GANC: variants seen among roughly 807,000 people sequenced by gnomAD.
GANC encodes neutral alpha-glucosidase C.
Under a neutral mutation model 124.2 loss-of-function variants are expected in GANC, and 117 were observed. The observed-to-expected ratio is 0.94, with a 90% CI of 0.81 to 1.10. GANC has a LOEUF of 1.10. GANC is among the 50% of genes least tolerant of loss of function. The pLI is 0.00. For missense variants in GANC, 1,140 were observed against 1,095.0 expected (o/e 1.04, Z -0.58); for synonymous variants, 377 against 376.8 (o/e 1.00, Z -0.01).
chr15:42,300,151 A>G (rs1404480338), intron 6 of GANC, among the ~76,000 whole-genome samples: 1 of 152,238 alleles, frequency 6.6e-6, no homozygotes, highest in Non-Finnish European at 1.5e-5. Context: ...GCACAGCAAC[A>G]GAAACGATCA....
At chr15:42,326,221 A>G (rs1270163330) in intron 11 of GANC, 77 bp from the exon 12 acceptor site, 6 of 1,051,624 alleles carry the variant, frequency 5.7e-6, no homozygotes, top group Non-Finnish European at 8.6e-6. Context: ...GAACCCCCAA[A>G]CTATGGCGAA....
intron 3 of GANC, among the ~76,000 whole-genome samples, chr15:42,280,670 A>T (rs932095793): frequency 6.6e-6 from 1 of 152,128 alleles, no homozygotes; most frequent in Non-Finnish European, 1.5e-5. Flanking sequence ...GTAGTTGTCC[A>T]TAGTCAGAGC....
In GANC at chr15:42,352,462, G is replaced by T. The variant is rs952478240; in HGVS notation, c.*323G>T. The stretch of plus-strand genomic sequence containing the variant: ...GCTGCGTGGGTCTGTTTTAACGTGG[G>T]CCAAGCCTACCTGGGCAGCCCATTT... On this transcript the variant is annotated 3_prime_UTR_variant, in exon 24 of 24. Coordinates refer to ENST00000318010, the MANE Select transcript of GANC (RefSeq NM_198141.3). 12 of 1,056,072 alleles carry T rather than the reference G, an allele frequency of 1.1e-5. No homozygotes were observed. In the African/African-American group the frequency reaches 2.0e-4, roughly 18 times the overall value. The allele number at this position is 1,056,072 out of a possible 1,614,324, so 65.4% of individuals were successfully genotyped here. A position where few individuals can be genotyped will look rare whatever the true frequency, so the allele number is the denominator to read the frequency against.
intron 21 of GANC, among the ~76,000 whole-genome samples, chr15:42,348,745 C>T (rs1013325741): frequency 3.3e-5 from 5 of 152,206 alleles, no homozygotes; most frequent in Admixed American, 2.0e-4. Flanking sequence ...AAACCTAGTA[C>T]AGGGCCAAAC....
chr15:42,304,966 G>C (rs2051979081), intron 6 of GANC, among the ~76,000 whole-genome samples: 1 of 152,096 alleles, frequency 6.6e-6, no homozygotes, highest in Admixed American at 6.5e-5. Context: ...AACTCAAGAT[G>C]AATTAAAGAC....
Position 42,273,203 on chromosome 15 carries a change from AG to A in GANC, c.-1278del. ...CTTCATGGACCCCTTGGGCCGCCGT[AG>A]CCCCACCCCTTGCTCCTCTAGGTTC... On this transcript the variant is annotated 5_prime_UTR_variant, in exon 1 of 24. Coordinates refer to ENST00000318010, the MANE Select transcript of GANC (RefSeq NM_198141.3). 1 of 1,606,798 alleles carries A rather than the reference AG, an allele frequency of 6.2e-7. No homozygotes were observed. Among genetic ancestry groups the A allele is most frequent in the South Asian group, 1.1e-5 (1 of 90,890 alleles).
chr15:42,302,940 T>C (rs1197281260), intron 6 of GANC, among the ~76,000 whole-genome samples: 2 of 152,170 alleles, frequency 1.3e-5, no homozygotes, highest in African/African-American at 2.4e-5. Flanking sequence ...TTCAGGATAT[T>C]ATCCAGGAGA....
intron 10 of GANC, among the ~76,000 whole-genome samples, chr15:42,317,118 C>A (rs2052113512): frequency 6.6e-6 from 1 of 152,074 alleles, no homozygotes; most frequent in Admixed American, 6.6e-5. Flanking sequence ...GCCTCGGCAC[C>A]TGGGTAATCC....
intron 20 of GANC, among the ~76,000 whole-genome samples, chr15:42,347,445 A>AT (rs144562469): frequency 0.086 from 13,073 of 152,194 alleles, 646 homozygotes; most frequent in South Asian, 0.18. Flanking sequence ...CTGGAGTGCC[A>AT]TTCCAGAAGA....
At position 42,326,385 on chromosome 15, in the gene GANC, A is replaced by G; in HGVS notation, c.1381A>G (p.Asn461Asp). 1.2e-6 allele frequency: 2 copies of G among 1,614,128 alleles called. No individual in the cohort carries two copies. Among genetic ancestry groups the G allele is most frequent in the Non-Finnish European group, 1.7e-6 (2 of 1,179,998 alleles). ...KAKDQGFFVKNQEGEDFEGVC... is the reference protein window; with the variant it reads ...KAKDQGFFVKDQEGEDFEGVC... Reference sequence around the variant, plus strand: ...CAAAGATCAGGGCTTCTTTGTGAAGAATCAGGAAGGGGAAGACTTTGAAGG... The same window carrying G: ...CAAAGATCAGGGCTTCTTTGTGAAGGATCAGGAAGGGGAAGACTTTGAAGG... The change falls in exon 12 of 24, where the codon AAT (asparagine) becomes GAT (aspartate). Residue 461 changes from asparagine to aspartate, a missense_variant. Coordinates refer to ENST00000318010, the MANE Select transcript of GANC (RefSeq NM_198141.3).
At chr15:42,326,702 A>G (rs1229688827) in intron 12 of GANC, among the ~76,000 whole-genome samples, 2 of 152,190 alleles carry the variant, frequency 1.3e-5, no homozygotes, top group Non-Finnish European at 2.9e-5. Context: ...AACAGAGATA[A>G]AAAGTCGGGG....
intron 21 of GANC, 79 bp from the exon 22 acceptor site, chr15:42,349,304 G>A (rs1199899627): frequency 1.6e-5 from 14 of 896,522 alleles, no homozygotes; most frequent in Non-Finnish European, 2.2e-5. Context: ...TTACTCTGTT[G>A]TTACCCTTTA....
chr15:42,291,165 A>C (rs997968335), intron 4 of GANC, among the ~76,000 whole-genome samples: 2 of 152,160 alleles, frequency 1.3e-5, no homozygotes, highest in Non-Finnish European at 2.9e-5. Flanking sequence ...TGCAAAAAAA[A>C]CCTGGGAAAT....
At chr15:42,339,454 G>A (rs572220019) in intron 16 of GANC, among the ~76,000 whole-genome samples, 1 of 151,802 alleles carries the variant, frequency 6.6e-6, no homozygotes. Flanking sequence ...CTGACCTTTC[G>A]ACAAGAAAGT....
intron 3 of GANC, among the ~76,000 whole-genome samples, chr15:42,282,412 T>C (rs1321142894): frequency 1.3e-5 from 2 of 152,192 alleles, no homozygotes; most frequent in East Asian, 1.9e-4. Flanking sequence ...CATTAAGATA[T>C]GGTATGAGTG....
At chr15:42,296,631 A>G (rs927549413) in intron 5 of GANC, among the ~76,000 whole-genome samples, 3 of 152,188 alleles carry the variant, frequency 2.0e-5, no homozygotes, top group Non-Finnish European at 4.4e-5. Context: ...GACCTCAGGT[A>G]ATCTACCCGC....
rs1004476122 is a variant in GANC, at chr15:42,322,640, C to G, written c.1293+620C>G. Among the ~76,000 whole-genome samples the G allele has an allele frequency of 3.3e-5, 5 of 152,118 alleles. No individual in the cohort carries two copies. In the South Asian group the frequency reaches 1.0e-3, roughly 32 times the overall value. On this transcript the variant is annotated intron_variant, in intron 11 of 23. Transcript: ENST00000318010. ...GGGGGAGTAGCAGGGCTTGAAAACG[C>G]TTAAAAGTCAAATATCAAATATGGT...
chr15:42,306,684 C>T (rs1311091500), intron 7 of GANC, 72 bp downstream of exon 7: 1 of 1,057,852 alleles, frequency 9.5e-7, no homozygotes, highest in East Asian at 2.6e-5. Flanking sequence ...TCAAAAAGCC[C>T]CTTGATCTCT....
At chr15:42,325,982 T>G (rs2052195387) in intron 11 of GANC, among the ~76,000 whole-genome samples, 1 of 152,220 alleles carries the variant, frequency 6.6e-6, no homozygotes, top group South Asian at 2.1e-4. Context: ...GGTCTCAAAC[T>G]CCTGGCCTTA....
Sources: gnomAD v4.1 joint callset for allele counts (sites outside exome capture counted in the v4.1 genomes callset) on GRCh38, gnomAD v4.1.1 for gene constraint, MANE v1.5 for transcripts, NCBI Gene and HGNC (gene_info 2026-07-23, HGNC 2026-07-21) for gene names.